Variants in PIPOX observed in about 807,000 individuals in gnomAD.
PIPOX encodes the protein peroxisomal sarcosine oxidase.
PIPOX carries 45 observed loss-of-function variants against 47.9 expected under a neutral mutation model. That is an observed-to-expected ratio of 0.94 (90% confidence interval 0.74 to 1.20). The LOEUF is 1.20. Ranked by LOEUF, PIPOX falls within the 50% of genes most tolerant of loss-of-function variation. The pLI is 0.00. For missense variants in PIPOX, 458 were observed against 498.4 expected (o/e 0.92, Z 0.77); for synonymous variants, 165 against 191.3 (o/e 0.86, Z 1.13).
intron 2 of PIPOX, among the ~76,000 whole-genome samples, chr17:29,050,835 A>AAAAAG (rs1555618680): frequency 0.025 from 3,744 of 151,456 alleles, 130 homozygotes; most frequent in African/African-American, 0.074. Flanking sequence ...CATTAAAAAA[A>AAAAAG]AAAAAGAAAA....
chr17:29,055,967 C>T (rs1011812473), intron 7 of PIPOX, 79 bp downstream of exon 7: 2 of 1,386,486 alleles, frequency 1.4e-6, no homozygotes, highest in Admixed American at 3.3e-5. Flanking sequence ...TTTCCACACT[C>T]TTAGCTGCCC....
rs762419129 is a variant in PIPOX, at chr17:29,043,269, C to T, written c.44C>T (p.Ala15Val). The change falls in exon 1 of 8, where the codon GCG becomes GTG. Residue 15 changes from alanine (A) to valine (V), a missense_variant. Transcript: ENST00000323372. The stretch of plus-strand genomic sequence containing the variant: ...CTCTGGGACGCCATTGTGATTGGGG[C>T]GGGGATCCAGGGCTGCTTCACTGCA... ...KDLWDAIVIG[A>V]GIQGCFTAYH... The T allele has an allele frequency of 1.4e-5, 23 of 1,613,216 alleles. No homozygotes were observed. The South Asian group carries it at 1.6e-4, about 12-fold the overall frequency.
chr17:29,046,090 G>T (rs1474039838), intron 2 of PIPOX, among the ~76,000 whole-genome samples: 1 of 152,174 alleles, frequency 6.6e-6, no homozygotes, highest in Admixed American at 6.5e-5. Context: ...TTAGTGTTCT[G>T]TTGCAAAAAT....
chr17:29,049,522 T>G (rs1470498538), intron 2 of PIPOX, among the ~76,000 whole-genome samples: 1 of 152,210 alleles, frequency 6.6e-6, no homozygotes, highest in Non-Finnish European at 1.5e-5. Context: ...AATCTGCCCA[T>G]GGAAGCCATC....
At chr17:29,043,397 A>AGGG in intron 1 of PIPOX, 58 bp downstream of exon 1, 4 of 1,295,450 alleles carry the variant, frequency 3.1e-6, no homozygotes, top group African/African-American at 1.5e-5. Flanking sequence ...CCTCCCCTGC[A>AGGG]GAAGGGTTTT....
Position 29,055,218 on chromosome 17 carries a change from C to T in PIPOX, c.963C>T (p.Tyr321=). 1 of 1,614,208 alleles carries T rather than the reference C, an allele frequency of 6.2e-7. No individual in the cohort carries two copies. The highest frequency in any genetic ancestry group is 8.5e-7 in the Non-Finnish European group (1 of 1,180,040). ...PEPAVIESCM[Y]TNTPDEQFIL... is the part of the protein sequence containing the mutation. ...CTGCTGTCATTGAGAGCTGCATGTACACGGTAAGGGGTCTGGGCAGCCTTG... is the reference window on the plus strand; with the variant it reads ...CTGCTGTCATTGAGAGCTGCATGTATACGGTAAGGGGTCTGGGCAGCCTTG... The change falls in exon 6 of 8, where the codon TAC becomes TAT. Residue 321 remains tyrosine, a synonymous_variant. Coordinates refer to ENST00000323372, the MANE Select transcript of PIPOX (RefSeq NM_016518.3).
At chr17:29,055,001 C>A (rs985714460) in intron 5 of PIPOX, 62 bp from the exon 6 acceptor site, 6 of 1,598,972 alleles carry the variant, frequency 3.8e-6, no homozygotes, top group Non-Finnish European at 5.1e-6. Context: ...GCCTGCCCTT[C>A]GGCTGTGGGT....
intron 1 of PIPOX, among the ~76,000 whole-genome samples, chr17:29,043,813 T>A (rs9899482): frequency 0.031 from 4,743 of 151,838 alleles, 200 homozygotes; most frequent in African/African-American, 0.11. Flanking sequence ...TTCTGTTTTT[T>A]TTTTTTATTT....
At chr17:29,053,188 G>C in intron 3 of PIPOX, 55 bp downstream of exon 3, 1 of 1,539,102 alleles carries the variant, frequency 6.5e-7, no homozygotes, top group Non-Finnish European at 9.0e-7. Flanking sequence ...GGGTGTCCTG[G>C]GTCCCAAGCA....
At chr17:29,046,617 G>A in intron 2 of PIPOX, 1 of 985,488 alleles carries the variant, frequency 1.0e-6, no homozygotes, top group East Asian at 1.1e-4. Context: ...TTGAGCAACA[G>A]TGGGAGGAAA....
At chr17:29,046,136 C>T (rs920012672) in intron 2 of PIPOX, among the ~76,000 whole-genome samples, 13 of 152,206 alleles carry the variant, frequency 8.5e-5, no homozygotes, top group Admixed American at 7.2e-4. Flanking sequence ...ATCCATTATG[C>T]AAATCAGCCA....
At chr17:29,046,489 A>G (rs2152698241) in intron 2 of PIPOX, among the ~76,000 whole-genome samples, 1 of 152,200 alleles carries the variant, frequency 6.6e-6, no homozygotes, top group South Asian at 2.1e-4. Flanking sequence ...ACTTTTTACG[A>G]TAGGGCTCTG....
At chr17:29,043,627 T>C (rs919234196) in intron 1 of PIPOX, among the ~76,000 whole-genome samples, 1 of 152,162 alleles carries the variant, frequency 6.6e-6, no homozygotes, top group Non-Finnish European at 1.5e-5. Flanking sequence ...TTCTCACTAC[T>C]CTTTCCCTTC....
At chr17:29,054,770 ATGCCCTT>A (rs1412430406) in intron 5 of PIPOX, 79 bp downstream of exon 5, 6 of 1,517,744 alleles carry the variant, frequency 4.0e-6, no homozygotes, top group Non-Finnish European at 5.4e-6. Flanking sequence ...CCCTCCATAG[ATGCCCTT>A]GGGTCTCGGG....
chr17:29,045,999 G>A (rs533346036), intron 2 of PIPOX, among the ~76,000 whole-genome samples: 113 of 152,290 alleles, frequency 7.4e-4, no homozygotes, highest in Non-Finnish European at 1.2e-3. Flanking sequence ...CACCTCCTCT[G>A]TGACTCTTAA....
intron 2 of PIPOX, chr17:29,052,002 GC>G: frequency 2.1e-6 from 1 of 471,112 alleles, no homozygotes; most frequent in Non-Finnish European, 4.4e-6. Flanking sequence ...AGGAATCTGG[GC>G]CCAGAGAGGT....
intron 2 of PIPOX, among the ~76,000 whole-genome samples, chr17:29,051,479 C>CTT (rs2065806017): frequency 6.6e-6 from 1 of 152,178 alleles, no homozygotes; most frequent in Admixed American, 6.5e-5. Context: ...CTATTACGAG[C>CTT]TTTACACCCA....
intron 1 of PIPOX, among the ~76,000 whole-genome samples, chr17:29,043,806 T>TG (rs200222017): frequency 2.0e-5 from 3 of 152,142 alleles, no homozygotes; most frequent in African/African-American, 7.2e-5. Flanking sequence ...CAGAAGCTTC[T>TG]GTTTTTTTTT....
chr17:29,043,389 T>G, intron 1 of PIPOX, 50 bp downstream of exon 1: 1 of 1,350,694 alleles, frequency 7.4e-7, no homozygotes, highest in Non-Finnish European at 1.1e-6. Flanking sequence ...CCTACCCTCC[T>G]CCCCTGCAGA....
Sources: gnomAD v4.1 joint callset for allele counts (sites outside exome capture counted in the v4.1 genomes callset) on GRCh38, gnomAD v4.1.1 for gene constraint, MANE v1.5 for transcripts, NCBI Gene and HGNC (gene_info 2026-07-23, HGNC 2026-07-21) for gene names.